Variants in C4orf50 observed in about 807,000 individuals in gnomAD.
C4orf50 encodes the protein chromosome 4 open reading frame 50.
C4orf50 carries 80 observed loss-of-function variants against 77.2 expected under a neutral mutation model. The ratio of observed to expected loss-of-function variants is 1.04; its 90% CI spans 0.87 to 1.25. C4orf50 has a LOEUF of 1.25. Ranked by LOEUF, C4orf50 falls within the 50% of genes most tolerant of loss-of-function variation. The pLI is 0.00. For missense variants in C4orf50, 1,257 were observed against 1,152.9 expected (o/e 1.09, Z -1.31); for synonymous variants, 532 against 465.3 (o/e 1.14, Z -1.84).
chr4:5,922,001 C>G (rs1349843366), intron 7 of C4orf50, among the ~76,000 whole-genome samples: 1 of 152,296 alleles, frequency 6.6e-6, no homozygotes, highest in African/African-American at 2.4e-5. Flanking sequence ...TAACTAGGAA[C>G]AGCAGCCCCC....
At chr4:5,955,782 C>T (rs1413231178), downstream of C4orf50, among the ~76,000 whole-genome samples, 4 of 152,132 alleles carry the variant, frequency 2.6e-5, no homozygotes, top group Non-Finnish European at 4.4e-5. This position sits in a 1 kb window ranked among gnomAD's most constrained non-coding sequence, Gnocchi z 5.1. Context: ...AGGAAGCAAA[C>T]GCCTGCTTGC....
rs539552227 is a variant in C4orf50 at position 5,935,775 on chromosome 4, G to T, written c.*2474+21126C>A. On this transcript the variant is annotated intron_variant, in intron 7 of 7. Transcript: ENST00000324058. ...CACTCCAGGCTGGGCGACAGAGGGA[G>T]ACTCCGTCTAAAAAAAAAAAAAAAA... Among the ~76,000 whole-genome samples, 10 of 87,760 alleles carry T rather than the reference G, an allele frequency of 1.1e-4. No individual in the cohort carries two copies. The East Asian group carries it at 1.5e-3, about 13-fold the overall frequency. The allele number at this position is 87,760 out of a possible 152,430, so 57.6% of individuals were successfully genotyped here. A position where few individuals can be genotyped will look rare whatever the true frequency, so the allele number is the denominator to read the frequency against.
chr4:5,984,946 G>A (rs926247316), intron 28 of C4orf50, among the ~76,000 whole-genome samples: 1 of 151,310 alleles, frequency 6.6e-6, no homozygotes, highest in African/African-American at 2.4e-5. Context: ...AAAACTCAAA[G>A]ATAAATAGGA....
intron 7 of C4orf50, among the ~76,000 whole-genome samples, chr4:5,913,301 C>A (rs547730178): frequency 1.2e-4 from 19 of 152,282 alleles, no homozygotes; most frequent in Admixed American, 2.6e-4. Flanking sequence ...AAACTCCAGA[C>A]CATAGCTCCT....
intron 7 of C4orf50, among the ~76,000 whole-genome samples, chr4:5,933,105 G>A (rs531771524): frequency 1.4e-4 from 21 of 152,274 alleles, no homozygotes; most frequent in Non-Finnish European, 3.1e-4. Flanking sequence ...TGCATCCTAA[G>A]CAATCCTAAC....
chr4:5,979,948 A>AATAT (rs1720481534), intron 29 of C4orf50, among the ~76,000 whole-genome samples: 1 of 152,186 alleles, frequency 6.6e-6, no homozygotes, highest in African/African-American at 2.4e-5. Flanking sequence ...GACTTTTTAA[A>AATAT]GAAACCACAT....
intron 32 of C4orf50, 41 bp downstream of exon 10, chr4:5,967,373 T>C (rs1184476700): frequency 6.4e-7 from 1 of 1,563,948 alleles, no homozygotes; most frequent in South Asian, 1.1e-5. Flanking sequence ...CTGGACTTTT[T>C]CTGAGCACAC....
intron 32 of C4orf50, among the ~76,000 whole-genome samples, chr4:5,965,584 G>A (rs1177974390): frequency 1.3e-5 from 2 of 152,216 alleles, no homozygotes; most frequent in South Asian, 2.1e-4. Flanking sequence ...AGCAAGAGAG[G>A]GAAGAAGACT....
At chr4:5,996,398 C>G in intron 25 of C4orf50, among the ~76,000 whole-genome samples, 1 of 152,266 alleles carries the variant, frequency 6.6e-6, no homozygotes, top group South Asian at 2.1e-4. Flanking sequence ...TCGACGCTTC[C>G]TGTTACACTG....
chr4:5,937,530 G>A (rs1718079650), intron 7 of C4orf50, among the ~76,000 whole-genome samples: 1 of 152,078 alleles, frequency 6.6e-6, no homozygotes, highest in Non-Finnish European at 1.5e-5. Flanking sequence ...TAAGATGACG[G>A]ATAAATATAC....
intron 7 of C4orf50, among the ~76,000 whole-genome samples, chr4:5,930,975 A>G (rs1560547566): frequency 6.6e-6 from 1 of 152,340 alleles, no homozygotes; most frequent in East Asian, 1.9e-4. Flanking sequence ...AGGAGTGCAC[A>G]AACGCCTCGT....
At chr4:5,977,724 A>G (rs896341012) in intron 29 of C4orf50, among the ~76,000 whole-genome samples, 2 of 152,252 alleles carry the variant, frequency 1.3e-5, no homozygotes, top group African/African-American at 4.8e-5. Flanking sequence ...TCCAGCCTTA[A>G]GCAGACTGTC....
chr4:5,988,610 T>C, exon 28 of C4orf50: 1 of 1,536,234 alleles, frequency 6.5e-7, no homozygotes, highest in African/African-American at 1.4e-5. Flanking sequence ...CCACAGGCTC[T>C]TGAAAGCAGC....
chr4:5,935,242 T>G (rs1332545223), intron 7 of C4orf50, among the ~76,000 whole-genome samples: 1 of 152,162 alleles, frequency 6.6e-6, no homozygotes, highest in Admixed American at 6.5e-5. Flanking sequence ...GGGGATGCAG[T>G]TCGACATGGA....
At chr4:5,915,386 C>G (rs1165458535) in intron 7 of C4orf50, among the ~76,000 whole-genome samples, 2 of 152,210 alleles carry the variant, frequency 1.3e-5, no homozygotes, top group African/African-American at 4.8e-5. Flanking sequence ...CATTAGCCAA[C>G]CAACAGCTAC....
At position 6,008,937 on chromosome 4, in the gene C4orf50, G is replaced by T. The variant is rs1018970586; in HGVS notation, c.427-405C>A. Reference sequence around the variant, plus strand: ...GTGTCCCCACTTCCACCACAGAACTGCCCAGAGATCCCCACTTCCTACCTA... The same window carrying T: ...GTGTCCCCACTTCCACCACAGAACTTCCCAGAGATCCCCACTTCCTACCTA... On this transcript the variant is annotated intron_variant, in intron 24 of 33. Transcript: ENST00000531445. This position sits in a 1 kb window ranked among gnomAD's most constrained non-coding sequence, Gnocchi z 6.0. Among the ~76,000 whole-genome samples the T allele has an allele frequency of 6.6e-6, 1 of 152,116 alleles. No homozygotes were observed. The highest frequency in any genetic ancestry group is 1.5e-5 in the Non-Finnish European group (1 of 68,026).
rs1719069339 is a variant in C4orf50, at chr4:5,958,115, C to T, written c.*1260G>A. The stretch of plus-strand genomic sequence containing the variant: ...AGCGGCTTTGGCCTTTCCCTTAAGC[C>T]CCTCCTCAGCCCCTTCCCAAAGAGA... On this transcript the variant is annotated 3_prime_UTR_variant, in exon 34 of 34. Transcript: ENST00000531445. The surrounding 1 kb of genome is among the most constrained non-coding windows in gnomAD (Gnocchi z 5.4). 6.6e-6 allele frequency: 1 copy of T among 152,248 alleles called. No homozygotes were observed. Among genetic ancestry groups the T allele is most frequent in the African/African-American group, 2.4e-5 (1 of 41,444 alleles). 9.4% of individuals were successfully genotyped at this position (152,248 alleles called of 1,614,324 possible). A position where few individuals can be genotyped will look rare whatever the true frequency, so the allele number is the denominator to read the frequency against.
intron 33 of C4orf50, among the ~76,000 whole-genome samples, chr4:5,964,634 G>C (rs1038346345): frequency 1.3e-5 from 2 of 152,036 alleles, no homozygotes; most frequent in Admixed American, 6.5e-5. Flanking sequence ...CGGGCATGGT[G>C]GTGGGCGCCT....
chr4:5,937,065 A>C (rs1016023089), intron 7 of C4orf50, among the ~76,000 whole-genome samples: 1 of 152,118 alleles, frequency 6.6e-6, no homozygotes, highest in South Asian at 2.1e-4. Context: ...AAAGACTGAG[A>C]GGTTTTTACT....
Sources: allele counts gnomAD v4.1 joint callset (sites outside exome capture counted in the v4.1 genomes callset), GRCh38; gene constraint gnomAD v4.1.1; non-coding constraint Gnocchi (gnomAD v3.1); transcripts MANE v1.5; gene names NCBI Gene and HGNC (gene_info 2026-07-23, HGNC 2026-07-21).